RAP1GAP2: variants seen among roughly 807,000 people sequenced by gnomAD.
RAP1GAP2 encodes the protein RAP1 GTPase activating protein 2, also known as rap1 GTPase-activating protein 2.
Under a neutral mutation model 95.0 loss-of-function variants are expected in RAP1GAP2, and 27 were observed. The observed-to-expected ratio is 0.28, with a 90% CI of 0.21 to 0.39. The LOEUF (loss-of-function observed/expected upper bound fraction) is 0.39. Ranked by LOEUF, RAP1GAP2 falls within the 10% of genes least tolerant of loss-of-function variation. The probability of loss-of-function intolerance (pLI) is 1.00; values close to 1 mark genes in which losing one functional copy is unlikely to be tolerated. For synonymous variants in RAP1GAP2, 373 were observed against 380.9 expected (o/e 0.98, Z 0.24); for missense variants, 771 against 970.0 (o/e 0.79, Z 2.72).
rs75589985 is a variant in RAP1GAP2, at chr17:2,855,037, C to A, written c.81-50247C>A. Among the ~76,000 whole-genome samples, 2 of 152,150 alleles carry A rather than the reference C, an allele frequency of 1.3e-5. No individual in the cohort carries two copies. The highest frequency in any genetic ancestry group is 4.8e-5 in the African/African-American group (2 of 41,408). ...GACACGGGCAGTGGAACCAGAGACA[C>A]CTGGGGGTGACCAGCAGCCCCTGGA... On this transcript the variant is annotated intron_variant, in intron 2 of 24. Transcript: ENST00000254695. This position sits in a 1 kb window ranked among gnomAD's most constrained non-coding sequence, Gnocchi z 4.3.
At chr17:2,821,925 G>A (rs915477954) in intron 2 of RAP1GAP2, among the ~76,000 whole-genome samples, 1 of 152,268 alleles carries the variant, frequency 6.6e-6, no homozygotes, top group Non-Finnish European at 1.5e-5. Context: ...AGTCTATGCT[G>A]TCTATGATGG....
rs917540694 is a variant in RAP1GAP2 at position 2,891,814 on chromosome 17, C to CTTTTTTTTTTTTTTTTTTTTTTTT, written c.81-13467_81-13444dup. On this transcript the variant is annotated intron_variant, in intron 2 of 24. Transcript: ENST00000254695. ...TGATATGCAGATTCATATTTCTTTT[C>CTTTTTTTTTTTTTTTTTTTTTTTT]TTTTTTTTTTTTTTTTTTTTTTTTT... Among the ~76,000 whole-genome samples, 4 of 54,290 alleles carry CTTTTTTTTTTTTTTTTTTTTTTTT rather than the reference C, an allele frequency of 7.4e-5. 1 individual carries two copies. Among genetic ancestry groups the CTTTTTTTTTTTTTTTTTTTTTTTT allele is most frequent in the Admixed American group, 4.7e-4 (2 of 4,254 alleles). The allele number at this position is 54,290 out of a possible 152,430, so 35.6% of individuals were successfully genotyped here.
rs375141713 is a variant in RAP1GAP2, at chr17:2,860,644, C to A, written c.81-44640C>A. Among the ~76,000 whole-genome samples, 46 of 137,068 alleles carry A rather than the reference C, an allele frequency of 3.4e-4. 2 individuals carry two copies. The highest frequency in any genetic ancestry group is 1.2e-3 in the African/African-American group (44 of 35,534). The allele number at this position is 137,068 out of a possible 152,430, so 89.9% of individuals were successfully genotyped here. On this transcript the variant is annotated intron_variant, in intron 2 of 24. Coordinates refer to ENST00000254695, the MANE Select transcript of RAP1GAP2 (RefSeq NM_015085.5). The stretch of plus-strand genomic sequence containing the variant: ...TTTGAGACAGCATCTTGCTCTGTCA[C>A]CCATTCTGGAGTGCAGTGGCGCGAT...
At chr17:2,770,298 A>G (rs1284208203) in intron 1 of RAP1GAP2, 7 of 398,260 alleles carry the variant, frequency 1.8e-5, no homozygotes, top group South Asian at 1.3e-4. Flanking sequence ...GAGCTCAGCC[A>G]CCTCCTCACT....
rs17835028 is a variant in RAP1GAP2, at chr17:2,827,175, G to A, written c.80+26625G>A. Among the ~76,000 whole-genome samples the A allele has an allele frequency of 0.19, 28,397 of 152,114 alleles. 3,006 individuals carry two copies. The highest frequency in any genetic ancestry group is 0.35 in the South Asian group (1,679 of 4,816). On this transcript the variant is annotated intron_variant, in intron 2 of 24. Transcript: ENST00000254695. This position sits in a 1 kb window ranked among gnomAD's most constrained non-coding sequence, Gnocchi z 4.1. ...ATGCCTTCGGCCTTGAGTGTGGTGC[G>A]TTTGAGGAGCTTGTGGATCGTCCCA...
chr17:2,828,419 T>TG (rs767232126), intron 2 of RAP1GAP2, among the ~76,000 whole-genome samples: 2 of 128,408 alleles, frequency 1.6e-5, no homozygotes, highest in Non-Finnish European at 3.0e-5. Flanking sequence ...CAGTGAAAGT[T>TG]GAAAAAAAAA....
At position 2,796,714 on chromosome 17, in the gene RAP1GAP2, T is replaced by C; in HGVS notation, c.44+143T>C. 2.2e-6 allele frequency: 2 copies of C among 925,430 alleles called. No individual in the cohort carries two copies. The allele number at this position is 925,430 out of a possible 1,614,324, so 57.3% of individuals were successfully genotyped here. ...CTGCTGACGCCCTGGCAGGTCGAGATGCAGGATCCTGGTGGGGACATCAGA... is the reference window on the plus strand; with the variant it reads ...CTGCTGACGCCCTGGCAGGTCGAGACGCAGGATCCTGGTGGGGACATCAGA... On this transcript the variant is annotated intron_variant, in intron 1 of 24. Coordinates refer to ENST00000254695, the MANE Select transcript of RAP1GAP2 (RefSeq NM_015085.5). The surrounding 1 kb of genome is among the most constrained non-coding windows in gnomAD (Gnocchi z 4.7).
At chr17:2,865,320 A>T (rs2072576846) in intron 2 of RAP1GAP2, among the ~76,000 whole-genome samples, 1 of 152,142 alleles carries the variant, frequency 6.6e-6, no homozygotes, top group Non-Finnish European at 1.5e-5. Context: ...TTGTTTTTAA[A>T]GGAAGGGATC....
chr17:2,872,133 G>C (rs970248856), intron 2 of RAP1GAP2, among the ~76,000 whole-genome samples: 1 of 141,212 alleles, frequency 7.1e-6, no homozygotes, highest in Non-Finnish European at 1.5e-5. Context: ...AGAATCGCTT[G>C]AACCCAGAAG....
intron 3 of RAP1GAP2, among the ~76,000 whole-genome samples, chr17:2,926,877 A>G (rs1389076522): frequency 6.6e-6 from 1 of 151,542 alleles, no homozygotes; most frequent in Non-Finnish European, 1.5e-5. Context: ...GTGGTGGTGC[A>G]TGCCTGTAGT....
At chr17:2,943,042 T>G (rs1179155453) in intron 3 of RAP1GAP2, among the ~76,000 whole-genome samples, 3 of 152,072 alleles carry the variant, frequency 2.0e-5, no homozygotes, top group Admixed American at 6.6e-5. Flanking sequence ...GTGCTGGGAT[T>G]ACAGGTGTGA....
At chr17:2,772,369 C>T (rs993397712), upstream of RAP1GAP2, among the ~76,000 whole-genome samples, 8 of 152,166 alleles carry the variant, frequency 5.3e-5, no homozygotes, top group East Asian at 3.9e-4. Context: ...TGGCTTACTA[C>T]AGCCTCAAAC....
In RAP1GAP2 at chr17:3,008,474, C is replaced by T. The variant is rs1029921730; in HGVS notation, c.1494+329C>T. Among the ~76,000 whole-genome samples the T allele has an allele frequency of 6.6e-6, 1 of 152,194 alleles. No homozygotes were observed. The highest frequency in any genetic ancestry group is 2.4e-5 in the African/African-American group (1 of 41,450). On this transcript the variant is annotated intron_variant, in intron 17 of 24. Coordinates refer to ENST00000254695, the MANE Select transcript of RAP1GAP2 (RefSeq NM_015085.5). The surrounding 1 kb of genome is among the most constrained non-coding windows in gnomAD (Gnocchi z 4.2). ...CAAGCCAGGAACATCGGCGCTTTCA[C>T]CTGCCTCCTCCTGGGTTGGGGAGCC...
intron 1 of RAP1GAP2, among the ~76,000 whole-genome samples, chr17:2,760,247 C>T (rs1296186052): frequency 3.2e-5 from 4 of 124,670 alleles, no homozygotes; most frequent in Non-Finnish European, 6.4e-5. Flanking sequence ...GAGTTGAGAT[C>T]GCGCCACTGC....
At chr17:2,777,491 G>A (rs2068530326) in intron 1 of RAP1GAP2, among the ~76,000 whole-genome samples, 1 of 152,132 alleles carries the variant, frequency 6.6e-6, no homozygotes, top group South Asian at 2.1e-4. Flanking sequence ...CTCATTTCCA[G>A]AGGCCTGGAT....
In RAP1GAP2 at chr17:2,827,889, G is replaced by A. The variant is rs1336966504; in HGVS notation, c.80+27339G>A. Among the ~76,000 whole-genome samples, 1 of 152,178 alleles carries A rather than the reference G, an allele frequency of 6.6e-6. No individual in the cohort carries two copies. Among genetic ancestry groups the A allele is most frequent in the Non-Finnish European group, 1.5e-5 (1 of 68,030 alleles). On this transcript the variant is annotated intron_variant, in intron 2 of 24. Coordinates refer to ENST00000254695, the MANE Select transcript of RAP1GAP2 (RefSeq NM_015085.5). The surrounding 1 kb of genome is among the most constrained non-coding windows in gnomAD (Gnocchi z 4.1). ...TTGCAGCAGGCACGCCAGTGACGGT[G>A]GGGGCCCAGGGGGAGCGTGGCAGAG...
chr17:2,782,282 C>T (rs1344196095), intron 1 of RAP1GAP2, among the ~76,000 whole-genome samples: 1 of 152,228 alleles, frequency 6.6e-6, no homozygotes, highest in Admixed American at 6.5e-5. Flanking sequence ...CCTCCAGCCC[C>T]ATCCTCCCGA....
At chr17:2,863,912 C>CGTG (rs751149144) in intron 2 of RAP1GAP2, among the ~76,000 whole-genome samples, 2 of 151,996 alleles carry the variant, frequency 1.3e-5, no homozygotes, top group Non-Finnish European at 2.9e-5. Flanking sequence ...ATTAGCCAGG[C>CGTG]GTGGTGGTGG....
chr17:2,970,092 G>A (rs1276396313), intron 8 of RAP1GAP2, among the ~76,000 whole-genome samples: 1 of 151,512 alleles, frequency 6.6e-6, no homozygotes, highest in Non-Finnish European at 1.5e-5. Context: ...TGGCTAACAT[G>A]GCAAAACCCT....
Sources: allele counts gnomAD v4.1 joint callset (sites outside exome capture counted in the v4.1 genomes callset), GRCh38; gene constraint gnomAD v4.1.1; non-coding constraint Gnocchi (gnomAD v3.1); transcripts MANE v1.5; gene names NCBI Gene and HGNC (gene_info 2026-07-23, HGNC 2026-07-21).